GRM8: variants seen among roughly 807,000 people sequenced by gnomAD.
GRM8 encodes glutamate metabotropic receptor 8.
A neutral mutation model predicts 87.2 loss-of-function variants in GRM8; 47 were observed. The ratio of observed to expected loss-of-function variants is 0.54; its 90% confidence interval spans 0.43 to 0.69. The LOEUF (loss-of-function observed/expected upper bound fraction) is 0.69. Ranked by LOEUF, GRM8 falls within the 30% of genes least tolerant of loss-of-function variation. The probability of loss-of-function intolerance (pLI) is 0.00; values close to 1 mark genes in which losing one functional copy is unlikely to be tolerated. For missense variants in GRM8, 1,019 were observed against 1,139.2 expected (o/e 0.89, Z 1.52); for synonymous variants, 396 against 404.5 (o/e 0.98, Z 0.25).
chr7:127,101,389 G>A (rs930226838), intron 3 of GRM8, among the ~76,000 whole-genome samples: 1 of 152,156 alleles, frequency 6.6e-6, no homozygotes, highest in African/African-American at 2.4e-5. Context: ...AAAATCTCAT[G>A]TGCAATTGTA....
At chr7:126,697,665 T>C (rs1022032288) in intron 7 of GRM8, among the ~76,000 whole-genome samples, 3 of 152,094 alleles carry the variant, frequency 2.0e-5, no homozygotes, top group South Asian at 4.1e-4. Flanking sequence ...TTTCTGCCCA[T>C]CCCCAAATTT....
chr7:126,986,817 T>C (rs912239919), intron 3 of GRM8, among the ~76,000 whole-genome samples: 10 of 152,208 alleles, frequency 6.6e-5, no homozygotes. Flanking sequence ...AAATGTTTAA[T>C]TGTGTTTAAG....
intron 2 of GRM8, among the ~76,000 whole-genome samples, chr7:127,208,017 C>T (rs1221237962): frequency 1.3e-5 from 2 of 152,076 alleles, no homozygotes; most frequent in East Asian, 3.9e-4. Flanking sequence ...GATGCTGACC[C>T]CCGGCCGATT....
intron 3 of GRM8, among the ~76,000 whole-genome samples, chr7:127,040,528 A>T (rs1353081026): frequency 6.6e-6 from 1 of 152,088 alleles, no homozygotes; most frequent in East Asian, 2.0e-4. Context: ...AAACCAGTGT[A>T]GCCAAACCCC....
At chr7:127,142,518 C>A (rs888212089) in intron 2 of GRM8, among the ~76,000 whole-genome samples, 1 of 152,108 alleles carries the variant, frequency 6.6e-6, no homozygotes, top group South Asian at 2.1e-4. Context: ...AAGGTTCTCT[C>A]CCTCAATAAA....
chr7:127,188,132 C>A (rs1012938550), intron 2 of GRM8, among the ~76,000 whole-genome samples: 1 of 152,198 alleles, frequency 6.6e-6, no homozygotes, highest in Non-Finnish European at 1.5e-5. Context: ...AGCACTTCTA[C>A]ATGGAGTATT....
At chr7:127,117,815 C>T (rs565868438) in intron 2 of GRM8, among the ~76,000 whole-genome samples, 7 of 152,146 alleles carry the variant, frequency 4.6e-5, no homozygotes, top group Non-Finnish European at 1.0e-4. Flanking sequence ...ATTTTTCCCC[C>T]AAGCATGTCA....
At chr7:126,645,678 G>T (rs2237759) in intron 7 of GRM8, among the ~76,000 whole-genome samples, 46,828 of 152,108 alleles carry the variant, frequency 0.31, 8,074 homozygotes, top group East Asian at 0.43. Flanking sequence ...AGTTTAAAAT[G>T]TTTTTCTGGT....
At chr7:126,440,149 C>T (rs867926911) in intron 10 of GRM8, among the ~76,000 whole-genome samples, 2 of 151,758 alleles carry the variant, frequency 1.3e-5, no homozygotes. Context: ...TGCAGAGACT[C>T]ACGTCTGTAA....
At chr7:126,804,873 A>G (rs1792501326) in intron 6 of GRM8, among the ~76,000 whole-genome samples, 1 of 152,026 alleles carries the variant, frequency 6.6e-6, no homozygotes. Context: ...ATCTTAACCA[A>G]CTCTATCTTG....
intron 6 of GRM8, among the ~76,000 whole-genome samples, chr7:126,828,424 T>C (rs993078798): frequency 6.6e-6 from 1 of 152,236 alleles, no homozygotes; most frequent in African/African-American, 2.4e-5. Context: ...TTCAACTTCT[T>C]CCTGGTTTAG....
intron 6 of GRM8, among the ~76,000 whole-genome samples, chr7:126,831,422 C>G (rs1271787341): frequency 1.3e-5 from 2 of 152,228 alleles, no homozygotes; most frequent in Non-Finnish European, 2.9e-5. Flanking sequence ...CGCCCCTCCC[C>G]CAGCCTCGCC....
intron 3 of GRM8, among the ~76,000 whole-genome samples, chr7:127,072,004 C>T (rs1194242488): frequency 1.3e-5 from 2 of 152,200 alleles, no homozygotes; most frequent in East Asian, 1.9e-4. Flanking sequence ...AGTTTCTCTC[C>T]ATTCCCTTTG....
At chr7:126,541,707 G>T (rs897109525) in intron 8 of GRM8, among the ~76,000 whole-genome samples, 13 of 152,344 alleles carry the variant, frequency 8.5e-5, no homozygotes, top group African/African-American at 2.9e-4. Flanking sequence ...TCTATCAGCT[G>T]CTTCTTCAAG....
intron 8 of GRM8, among the ~76,000 whole-genome samples, chr7:126,561,176 G>A (rs973376690): frequency 4.6e-5 from 7 of 152,086 alleles, no homozygotes; most frequent in Admixed American, 2.0e-4. Context: ...AAACAGCTAC[G>A]AAAGTAGTAA....
chr7:126,811,346 AT>A (rs918072401), intron 6 of GRM8, among the ~76,000 whole-genome samples: 22 of 145,082 alleles, frequency 1.5e-4, no homozygotes, highest in African/African-American at 2.8e-4. Context: ...GGTATTCGGG[AT>A]TTTTTTTTTC....
chr7:126,681,385 C>A (rs1229593540), intron 7 of GRM8, among the ~76,000 whole-genome samples: 1 of 152,198 alleles, frequency 6.6e-6, no homozygotes, highest in Non-Finnish European at 1.5e-5. Context: ...TGAGAGCTGC[C>A]ACTGTTGTTG....
intron 9 of GRM8, among the ~76,000 whole-genome samples, chr7:126,490,874 T>C (rs1807924470): frequency 6.6e-6 from 1 of 152,048 alleles, no homozygotes; most frequent in African/African-American, 2.4e-5. Context: ...ATTTTAAAAA[T>C]TGGAAAAGGT....
intron 3 of GRM8, among the ~76,000 whole-genome samples, chr7:126,970,857 T>A (rs756224819): frequency 5.3e-5 from 8 of 152,052 alleles, no homozygotes; most frequent in Non-Finnish European, 1.2e-4. Context: ...ATTGACCTAA[T>A]TCCAATATTG....
Sources: gnomAD v4.1 joint callset for allele counts (sites outside exome capture counted in the v4.1 genomes callset) on GRCh38, gnomAD v4.1.1 for gene constraint, MANE v1.5 for transcripts, NCBI Gene and HGNC (gene_info 2026-07-23, HGNC 2026-07-21) for gene names.